Variants in FREM3 observed in about 807,000 individuals in gnomAD.
FREM3 encodes the protein FRAS1-related extracellular matrix protein 3.
A neutral mutation model predicts 129.1 loss-of-function variants in FREM3; 105 were observed. The observed-to-expected ratio is 0.81, with a 90% confidence interval of 0.69 to 0.96. The LOEUF is 0.96. Among genes scored for constraint, FREM3 ranks in the 40% least tolerant of loss-of-function variants. The pLI is 0.00. For synonymous variants in FREM3, 1,014 were observed against 1,044.9 expected (o/e 0.97, Z 0.57); for missense variants, 2,593 against 2,666.3 (o/e 0.97, Z 0.61).
chr4:143,626,824 C>T (rs1739044430), intron 3 of FREM3, among the ~76,000 whole-genome samples: 1 of 152,144 alleles, frequency 6.6e-6, no homozygotes, highest in Non-Finnish European at 1.5e-5. Flanking sequence ...CCTGGCTTCT[C>T]TCCAACAGTT....
At chr4:143,651,843 A>G (rs1182997336) in intron 2 of FREM3, among the ~76,000 whole-genome samples, 1 of 152,240 alleles carries the variant, frequency 6.6e-6, no homozygotes, top group African/African-American at 2.4e-5. Flanking sequence ...GGTCACTTTC[A>G]TATAAAATAA....
At chr4:143,657,762 A>G (rs1157456862) in intron 2 of FREM3, among the ~76,000 whole-genome samples, 1 of 152,244 alleles carries the variant, frequency 6.6e-6, no homozygotes, top group South Asian at 2.1e-4. Flanking sequence ...TTTAGGTTAA[A>G]AAAGGTTATA....
At chr4:143,694,507 A>G (rs1245652594) in intron 1 of FREM3, among the ~76,000 whole-genome samples, 2 of 152,168 alleles carry the variant, frequency 1.3e-5, no homozygotes, top group South Asian at 2.1e-4. Context: ...TAGTATTTTA[A>G]AAACAATTTG....
chr4:143,638,069 T>C (rs1450238), intron 2 of FREM3, among the ~76,000 whole-genome samples: 78,046 of 151,986 alleles, frequency 0.51, 20,498 homozygotes, highest in East Asian at 0.84. Context: ...TGTCATGCTA[T>C]GTATAACAAT....
chr4:143,690,350 G>T, intron 2 of FREM3, among the ~76,000 whole-genome samples: 1 of 152,104 alleles, frequency 6.6e-6, no homozygotes, highest in East Asian at 1.9e-4. Context: ...AACCTTCATG[G>T]TATCACTCTT....
intron 5 of FREM3, among the ~76,000 whole-genome samples, chr4:143,612,235 A>G (rs111401391): frequency 0.015 from 2,274 of 152,332 alleles, 50 homozygotes; most frequent in African/African-American, 0.052. Flanking sequence ...GTTTCTTGCA[A>G]TCCATCTCCT....
At position 143,691,300 on chromosome 4, in the gene FREM3, AG is replaced by A. The variant is rs1165179475; in HGVS notation, c.5275+1812del. 6.6e-5 allele frequency among the ~76,000 whole-genome samples: 10 copies of A among 152,262 alleles called. 1 individual carries two copies. The East Asian group carries it at 1.7e-3, about 26-fold the overall frequency. On this transcript the variant is annotated intron_variant, in intron 2 of 7. Coordinates refer to ENST00000329798, the MANE Select transcript of FREM3 (RefSeq NM_001168235.2). ...TTTGTCCACGGCTTCAGCTTCCCAA[AG>A]CAGAGTGAGTGTATACTGCTCGGGT... is the stretch of plus-strand genomic sequence containing the variant.
chr4:143,603,304 C>T (rs909122871), intron 6 of FREM3, among the ~76,000 whole-genome samples: 5 of 152,104 alleles, frequency 3.3e-5, no homozygotes, highest in African/African-American at 1.2e-4. Context: ...AGTGTTGCAT[C>T]ACTTGGCTTT....
Position 143,611,310 on chromosome 4 carries a change from A to G in FREM3, c.5997T>C (p.Thr1999=). The stretch of plus-strand genomic sequence containing the variant: ...AACGATCAGCCAGAATAGTCACCTT[A>G]GTGGTGGGGAATCTGGCTCCCAGCT... ...GGQLGARFPT[T]KVTILADRYD... is the part of the protein sequence containing the mutation. Residue 1999 remains threonine (T), a synonymous_variant, in exon 6 of 8, where the codon ACT becomes ACC. Transcript: ENST00000329798. The G allele has an allele frequency of 6.5e-7, 1 of 1,537,044 alleles. No individual in the cohort carries two copies. Among genetic ancestry groups the G allele is most frequent in the Non-Finnish European group, 8.7e-7 (1 of 1,146,784 alleles).
intron 5 of FREM3, among the ~76,000 whole-genome samples, chr4:143,613,386 A>C (rs1578834676): frequency 6.6e-6 from 1 of 152,164 alleles, no homozygotes; most frequent in African/African-American, 2.4e-5. Context: ...TTCTCTGGGG[A>C]AACCTATGCA....
chr4:143,681,858 C>T (rs948748722), intron 2 of FREM3, among the ~76,000 whole-genome samples: 29 of 152,284 alleles, frequency 1.9e-4, no homozygotes, highest in African/African-American at 6.7e-4. Flanking sequence ...TTGATAGAGA[C>T]AACAAGATGT....
chr4:143,700,111 C>T lies in FREM3; in HGVS notation c.565G>A (p.Asp189Asn), dbSNP rs895042186. The change falls in exon 1 of 8, where the codon GAC becomes AAC. Residue 189 changes from aspartate (D) to asparagine (N), a missense_variant. By Grantham distance (23) the Asp-to-Asn change is conservative. This residue lies in a region of FREM3 where 2,276 missense variants were observed against 2,267.2 expected (regional missense o/e 1.00). Transcript: ENST00000329798. ...EKLRSWSRAI[D>N]RRVLDFASLK... ...GAGGCGAAGTCCAGCACTCTCCTGT[C>T]TATGGCGCGGCTCCAGCTTCGCAGC... 1 of 1,536,906 alleles carries T rather than the reference C, an allele frequency of 6.5e-7. No individual in the cohort carries two copies. Among genetic ancestry groups the T allele is most frequent in the African/African-American group, 1.4e-5 (1 of 73,062 alleles).
intron 4 of FREM3, among the ~76,000 whole-genome samples, chr4:143,622,048 C>T (rs1195484735): frequency 1.3e-5 from 2 of 150,338 alleles, no homozygotes; most frequent in Non-Finnish European, 2.9e-5. Context: ...GATTCTTCCT[C>T]TTAGTGATGC....
In FREM3 at chr4:143,675,707, A is replaced by C. The variant is rs553200988; in HGVS notation, c.5275+17406T>G. ...GATGCAATAAAAAATGATAAAGGGG[A>C]TATCACCACTGATCCCACAGAAATA... On this transcript the variant is annotated intron_variant, in intron 2 of 7. Transcript: ENST00000329798. Among the ~76,000 whole-genome samples the C allele has an allele frequency of 7.1e-3, 1,087 of 152,306 alleles. 11 individuals are homozygous for C. The highest frequency in any genetic ancestry group is 9.3e-3 in the Non-Finnish European group (636 of 68,036).
In FREM3 at chr4:143,698,420, A is replaced by G. The variant is rs759463926; in HGVS notation, c.2256T>C (p.Asp752=). The G allele has an allele frequency of 3.3e-6, 5 of 1,537,924 alleles. No homozygotes were observed. The South Asian group carries it at 5.9e-5, about 18-fold the overall frequency. The part of the protein sequence containing the change: ...YTLLTLPTDT[D]GNHQVRAGEI... ...CTCCAGCCCGGACTTGGTGGTTGCCATCTGTGTCAGTCGGGAGTGTCAGTA... is the reference window on the plus strand; with the variant it reads ...CTCCAGCCCGGACTTGGTGGTTGCCGTCTGTGTCAGTCGGGAGTGTCAGTA... Residue 752 remains aspartate, a synonymous_variant, in exon 1 of 8, where the codon GAT becomes GAC. Transcript: ENST00000329798.
intron 5 of FREM3, among the ~76,000 whole-genome samples, chr4:143,620,722 CTT>C (rs1256115555): frequency 2.0e-5 from 3 of 152,190 alleles, no homozygotes; most frequent in Non-Finnish European, 4.4e-5. Flanking sequence ...TATATAAACT[CTT>C]TTGACACAAG....
At chr4:143,592,457 A>G (rs1349829894) in intron 6 of FREM3, among the ~76,000 whole-genome samples, 1 of 152,204 alleles carries the variant, frequency 6.6e-6, no homozygotes, top group East Asian at 1.9e-4. Context: ...ATCTCTCAGC[A>G]TTTGCTTGTC....
intron 5 of FREM3, among the ~76,000 whole-genome samples, chr4:143,613,246 T>C (rs1039310723): frequency 6.6e-6 from 1 of 152,236 alleles, no homozygotes; most frequent in African/African-American, 2.4e-5. Context: ...GAACAAAATG[T>C]GTTTGCTAGG....
Position 143,577,762 on chromosome 4 carries a change from AG to A in FREM3, c.6268del (p.Leu2090TrpfsTer54). The A allele has an allele frequency of 1.3e-6, 2 of 1,537,364 alleles. No homozygotes were observed. Among genetic ancestry groups the A allele is most frequent in the Non-Finnish European group, 1.7e-6 (2 of 1,146,936 alleles). ...TGGGCCTTCCAAGGTAGGCTGTCCC[AG>A]GTCATCAAGGATGGTCACTTGGAAT... Reference protein sequence around the residue: ...QTFQVTILDDLGQPTLEGPEK... With the variant: ...QTFQVTILDDXGQPTLEGPEK... On this transcript the variant is annotated frameshift_variant, in exon 8 of 8. Coordinates refer to ENST00000329798, the MANE Select transcript of FREM3 (RefSeq NM_001168235.2). LOFTEE classifies it low-confidence loss of function (END_TRUNC).
Sources: allele counts gnomAD v4.1 joint callset (sites outside exome capture counted in the v4.1 genomes callset), GRCh38; gene constraint gnomAD v4.1.1; regional missense constraint gnomAD v4.1.1; transcripts MANE v1.5; gene names NCBI Gene and HGNC (gene_info 2026-07-23, HGNC 2026-07-21).